Variants in PLEKHG4B observed in about 807,000 individuals in gnomAD.
PLEKHG4B encodes the protein pleckstrin homology domain-containing family G member 4B.
Under a neutral mutation model 121.3 loss-of-function variants are expected in PLEKHG4B, and 111 were observed. The observed-to-expected ratio is 0.92, with a 90% CI of 0.78 to 1.07. The LOEUF (loss-of-function observed/expected upper bound fraction) is 1.07. Among genes scored for constraint, PLEKHG4B ranks in the 50% least tolerant of loss-of-function variants. The pLI is 0.00. For missense variants in PLEKHG4B, 1,831 were observed against 1,757.8 expected (o/e 1.04, Z -0.74); for synonymous variants, 738 against 725.0 (o/e 1.02, Z -0.29).
intron 18 of PLEKHG4B, chr5:179,422 G>GC (rs1346537549): frequency 1.3e-5 from 2 of 152,638 alleles, no homozygotes; most frequent in African/African-American, 4.8e-5. Flanking sequence ...GCACACTGAG[G>GC]CACTGTCCCA....
At position 140,567 on chromosome 5, in the gene PLEKHG4B, C is replaced by A; in HGVS notation, c.1328C>A (p.Ala443Glu). ...LPRRSRSWER[A>E]PRSSRGAQAA... ...AGGAGATCTCGGTCCTGGGAAAGGG[C>A]ACCCAGAAGCTCCAGAGGGGCCCAG... Residue 443 changes from alanine to glutamate, a missense_variant, in exon 3 of 20, where the codon GCA becomes GAA. Ala to Glu is a moderately radical substitution (Grantham distance 107). Coordinates refer to ENST00000637938, the MANE Select transcript of PLEKHG4B (RefSeq NM_052909.5). 1 of 1,607,960 alleles carries A rather than the reference C, an allele frequency of 6.2e-7. No homozygotes were observed. Among genetic ancestry groups the A allele is most frequent in the Non-Finnish European group, 8.5e-7 (1 of 1,177,798 alleles).
At chr5:119,963 G>C (rs10037843) in intron 2 of PLEKHG4B, among the ~76,000 whole-genome samples, 10,864 of 152,248 alleles carry the variant, frequency 0.071, 678 homozygotes, top group African/African-American at 0.17. Flanking sequence ...AGTCACATGG[G>C]CTGGGTGCAC....
intron 11 of PLEKHG4B, 134 bp from the exon 12 acceptor site, chr5:161,649 G>A (rs765314130): frequency 9.6e-5 from 105 of 1,092,474 alleles, no homozygotes; most frequent in Non-Finnish European, 1.2e-4. Context: ...TCTCGAGAAT[G>A]AGAGGCAGCA....
intron 7 of PLEKHG4B, among the ~76,000 whole-genome samples, chr5:154,289 C>G (rs1735694217): frequency 6.6e-6 from 1 of 152,222 alleles, no homozygotes; most frequent in Non-Finnish European, 1.5e-5. Context: ...CAGGCATGAG[C>G]CACCGTGCCC....
intron 12 of PLEKHG4B, among the ~76,000 whole-genome samples, chr5:162,288 C>A: frequency 1.4e-5 from 1 of 73,390 alleles, no homozygotes; most frequent in Middle Eastern, 8.8e-3. Flanking sequence ...CCAGACCGCA[C>A]GCCTGCGAGC....
In PLEKHG4B at chr5:154,884, G is replaced by A. The variant is rs560543117; in HGVS notation, c.2002G>A (p.Val668Met). The change falls in exon 8 of 20, where the codon GTG (valine) becomes ATG (methionine). Residue 668 changes from valine to methionine, a missense_variant. By Grantham distance (21) the Val-to-Met change is conservative. Coordinates refer to ENST00000637938, the MANE Select transcript of PLEKHG4B (RefSeq NM_052909.5). ...DKDAIIQCEV[V>M]SSLKAVHKFV... is the part of the protein sequence containing the mutation. ...TGCCTCTTCTTGGCAGTGTGAGGTCGTGAGCTCCCTGAAGGCCGTGCACAA... is the reference window on the plus strand; with the variant it reads ...TGCCTCTTCTTGGCAGTGTGAGGTCATGAGCTCCCTGAAGGCCGTGCACAA... 8 of 1,613,624 alleles carry A rather than the reference G, an allele frequency of 5.0e-6. No homozygotes were observed. The highest frequency in any genetic ancestry group is 1.7e-5 in the Admixed American group (1 of 60,022).
rs1397712665 is a variant in PLEKHG4B at position 187,840 on chromosome 5, G to C, written c.*5517G>C. On this transcript the variant is annotated 3_prime_UTR_variant, in exon 20 of 20. Transcript: ENST00000637938. ...ACATCCTGGTAACCAAGTGCACCCA[G>C]AGGGCTGGCAGGGTCACATGGAGGC... 3 of 152,284 alleles carry C rather than the reference G, an allele frequency of 2.0e-5. No individual in the cohort carries two copies. The highest frequency in any genetic ancestry group is 4.4e-5 in the Non-Finnish European group (3 of 68,102). 9.4% of individuals were successfully genotyped at this position (152,284 alleles called of 1,614,324 possible).
At chr5:148,410 A>G (rs1735501117) in intron 6 of PLEKHG4B, among the ~76,000 whole-genome samples, 1 of 152,288 alleles carries the variant, frequency 6.6e-6, no homozygotes, top group Non-Finnish European at 1.5e-5. Flanking sequence ...GTCAACACAC[A>G]AATATCAGTC....
At chr5:142,972 C>A in intron 3 of PLEKHG4B, 75 bp from the exon 4 acceptor site, 1 of 1,389,094 alleles carries the variant, frequency 7.2e-7, no homozygotes, top group Non-Finnish European at 1.0e-6. Flanking sequence ...TGGTTCATAG[C>A]AAGCTGAGCA....
rs1490887185 is a variant in PLEKHG4B at position 183,689 on chromosome 5, A to G, written c.*1366A>G. On this transcript the variant is annotated 3_prime_UTR_variant, in exon 20 of 20. Transcript: ENST00000637938. ...GAGGCGGAGTTTGCAGTGAGCTGAGATCACGCCACTGCACTCCAGCCTGGG... is the reference window on the plus strand; with the variant it reads ...GAGGCGGAGTTTGCAGTGAGCTGAGGTCACGCCACTGCACTCCAGCCTGGG... The G allele has an allele frequency of 2.6e-5, 4 of 152,258 alleles. No homozygotes were observed. The highest frequency in any genetic ancestry group is 5.9e-5 in the Non-Finnish European group (4 of 68,098). 9.4% of individuals were successfully genotyped at this position (152,258 alleles called of 1,614,324 possible).
Position 143,213 on chromosome 5 carries a change from CGTCA to C in PLEKHG4B, c.1650_1653del (p.Ser550ArgfsTer42), listed in dbSNP as rs752915312. Reference sequence around the variant, plus strand: ...GCCAGGTGCCCAAGCAGGTGCTGGACGTCAGTCAGGAGCTGCTGCAGTCCGGGGT... The same window carrying C: ...GCCAGGTGCCCAAGCAGGTGCTGGACGTCAGGAGCTGCTGCAGTCCGGGGT... On this transcript the variant is annotated frameshift_variant, in exon 4 of 20. Coordinates refer to ENST00000637938, the MANE Select transcript of PLEKHG4B (RefSeq NM_052909.5). LOFTEE classifies it high-confidence loss of function. 11 of 1,611,158 alleles carry C rather than the reference CGTCA, an allele frequency of 6.8e-6. No individual in the cohort carries two copies. Among genetic ancestry groups the C allele is most frequent in the East Asian group, 2.2e-5 (1 of 44,868 alleles).
chr5:115,827 C>A (rs1052833060), intron 2 of PLEKHG4B, among the ~76,000 whole-genome samples: 1 of 152,238 alleles, frequency 6.6e-6, no homozygotes, highest in Admixed American at 6.5e-5. Context: ...CTGGGTTAGG[C>A]TTTGGCTTAA....
chr5:162,297 G>A (rs1287319412), intron 12 of PLEKHG4B, among the ~76,000 whole-genome samples: 1 of 151,250 alleles, frequency 6.6e-6, no homozygotes, highest in African/African-American at 2.4e-5. Flanking sequence ...ACGCCTGCGA[G>A]CTCCCCCGCG....
rs541024889 is a variant in PLEKHG4B, at chr5:185,217, G to A, written c.*2894G>A. 1 of 152,336 alleles carries A rather than the reference G, an allele frequency of 6.6e-6. No individual in the cohort carries two copies. Among genetic ancestry groups the A allele is most frequent in the South Asian group, 2.1e-4 (1 of 4,812 alleles). The allele number at this position is 152,336 out of a possible 1,614,324, so 9.4% of individuals were successfully genotyped here. A position where few individuals can be genotyped will look rare whatever the true frequency, so the allele number is the denominator to read the frequency against. On this transcript the variant is annotated 3_prime_UTR_variant, in exon 20 of 20. Coordinates refer to ENST00000637938, the MANE Select transcript of PLEKHG4B (RefSeq NM_052909.5). ...GTGGAGAGAGACTGAAGCAGCCACT[G>A]GCCATCACAGCAAACACAAGCAGGG...
intron 2 of PLEKHG4B, among the ~76,000 whole-genome samples, chr5:136,359 C>T (rs971600166): frequency 2.0e-5 from 3 of 152,038 alleles, no homozygotes; most frequent in Admixed American, 6.5e-5. Flanking sequence ...ATAAAAAGGG[C>T]CTTATTGATA....
chr5:166,839 T>C (rs1195778926), intron 13 of PLEKHG4B, among the ~76,000 whole-genome samples: 4 of 152,242 alleles, frequency 2.6e-5, no homozygotes, highest in Non-Finnish European at 4.4e-5. Flanking sequence ...GTTTACCTTG[T>C]TAAAGGCAAA....
intron 2 of PLEKHG4B, among the ~76,000 whole-genome samples, chr5:116,186 T>C (rs6897632): frequency 0.19 from 28,918 of 152,074 alleles, 3,801 homozygotes; most frequent in African/African-American, 0.37. Context: ...TCTTAGGGAA[T>C]AGGGAGGCCC....
At chr5:178,633 T>G (rs922092124) in intron 18 of PLEKHG4B, among the ~76,000 whole-genome samples, 3 of 152,246 alleles carry the variant, frequency 2.0e-5, no homozygotes, top group Admixed American at 2.0e-4. Flanking sequence ...TTCCTATGTT[T>G]TGAAGCTAAA....
At chr5:98,003 C>T (rs889994993) in intron 1 of PLEKHG4B, among the ~76,000 whole-genome samples, 8 of 152,112 alleles carry the variant, frequency 5.3e-5, no homozygotes, top group Admixed American at 1.3e-4. Flanking sequence ...GAACCATTAT[C>T]TCAGTGTAGT....
Sources: gnomAD v4.1 joint callset for allele counts (sites outside exome capture counted in the v4.1 genomes callset) on GRCh38, gnomAD v4.1.1 for gene constraint, MANE v1.5 for transcripts, NCBI Gene and HGNC (gene_info 2026-07-23, HGNC 2026-07-21) for gene names.